SGIP1: variants seen among roughly 807,000 people sequenced by gnomAD.
SGIP1 encodes SH3GL interacting endocytic adaptor 1, also known as SH3-containing GRB2-like protein 3-interacting protein 1.
SGIP1 carries 38 observed loss-of-function variants against 107.5 expected under a neutral mutation model. The ratio of observed to expected loss-of-function variants is 0.35; its 90% CI spans 0.27 to 0.46. SGIP1 has a LOEUF of 0.46. Among genes scored for constraint, SGIP1 ranks in the 20% least tolerant of loss-of-function variants. The pLI is 1.00. For missense variants in SGIP1, 929 were observed against 1,019.5 expected (o/e 0.91, Z 1.21); for synonymous variants, 365 against 366.1 (o/e 1.00, Z 0.03).
At chr1:66,608,857 G>A (rs1179984193) in intron 1 of SGIP1, among the ~76,000 whole-genome samples, 1 of 152,114 alleles carries the variant, frequency 6.6e-6, no homozygotes, top group Admixed American at 6.5e-5. Flanking sequence ...CATTTACTTT[G>A]CTGTATTTTT....
chr1:66,670,250 C>A (rs987929040), intron 9 of SGIP1, among the ~76,000 whole-genome samples: 1 of 152,174 alleles, frequency 6.6e-6, no homozygotes, highest in Non-Finnish European at 1.5e-5. Flanking sequence ...CTAATCAATC[C>A]TTTTACTATC....
At chr1:66,643,828 G>T in intron 7 of SGIP1, 109 bp downstream of exon 7, 1 of 938,572 alleles carries the variant, frequency 1.1e-6, no homozygotes, top group Non-Finnish European at 1.5e-6. Flanking sequence ...GCCTGCATAT[G>T]GTCACCATAT....
intron 1 of SGIP1, among the ~76,000 whole-genome samples, chr1:66,612,148 G>A (rs1258991937): frequency 6.6e-6 from 1 of 152,126 alleles, no homozygotes; most frequent in Non-Finnish European, 1.5e-5. Context: ...TGTGTGCAGA[G>A]GTCACATGGT....
At chr1:66,621,244 G>A (rs2071017464) in intron 1 of SGIP1, among the ~76,000 whole-genome samples, 1 of 152,176 alleles carries the variant, frequency 6.6e-6, no homozygotes, top group Non-Finnish European at 1.5e-5. Context: ...AGGAATTTGT[G>A]ACCGTATTGA....
intron 6 of SGIP1, among the ~76,000 whole-genome samples, chr1:66,643,232 GC>G (rs2077095636): frequency 6.6e-6 from 1 of 152,152 alleles, no homozygotes; most frequent in South Asian, 2.1e-4. Context: ...TCATAAAGCA[GC>G]CTTCCTCTCT....
At chr1:66,701,307 G>A (rs1322224834) in intron 18 of SGIP1, among the ~76,000 whole-genome samples, 1 of 152,134 alleles carries the variant, frequency 6.6e-6, no homozygotes, top group African/African-American at 2.4e-5. Flanking sequence ...TTTGCTAATA[G>A]CACTTACCCC....
At chr1:66,644,728 C>T (rs755277655) in intron 7 of SGIP1, among the ~76,000 whole-genome samples, 132 of 152,190 alleles carry the variant, frequency 8.7e-4, no homozygotes, top group African/African-American at 2.4e-3. Flanking sequence ...TCTATAATGA[C>T]GCTTTCTTTA....
intron 18 of SGIP1, among the ~76,000 whole-genome samples, chr1:66,715,288 T>C (rs1294026424): frequency 6.6e-6 from 1 of 152,128 alleles, no homozygotes; most frequent in African/African-American, 2.4e-5. Context: ...CAAAATGGCA[T>C]ATCAATTGCA....
At chr1:66,641,549 C>T (rs2149481410) in intron 5 of SGIP1, among the ~76,000 whole-genome samples, 1 of 152,218 alleles carries the variant, frequency 6.6e-6, no homozygotes, top group Middle Eastern at 3.4e-3. Context: ...GGGATCAAAA[C>T]CTAGATCTGA....
intron 1 of SGIP1, among the ~76,000 whole-genome samples, chr1:66,535,502 T>C (rs2053397772): frequency 6.6e-6 from 1 of 152,204 alleles, no homozygotes; most frequent in South Asian, 2.1e-4. Flanking sequence ...CAGTGTAGCC[T>C]GTACTTATTT....
rs1035733532 is a variant in SGIP1 at position 66,706,270 on chromosome 1, T to C, written c.1630+10777T>C. On this transcript the variant is annotated intron_variant, in intron 18 of 24. Transcript: ENST00000371037. ...TTATTACCTTTATCTCACATTTTCA[T>C]CAAATATTTTTAATTTTGAATATAT... Among the ~76,000 whole-genome samples the C allele has an allele frequency of 4.0e-5, 6 of 148,248 alleles. No individual in the cohort carries two copies. The East Asian group carries it at 1.2e-3, about 29-fold the overall frequency.
At chr1:66,545,344 T>C (rs2056133073) in intron 1 of SGIP1, among the ~76,000 whole-genome samples, 1 of 152,202 alleles carries the variant, frequency 6.6e-6, no homozygotes, top group Non-Finnish European at 1.5e-5. Flanking sequence ...AACAGTCTGT[T>C]CTGACTTTTC....
chr1:66,690,360 T>C, intron 17 of SGIP1, 44 bp downstream of exon 17: 1 of 1,609,752 alleles, frequency 6.2e-7, no homozygotes, highest in Non-Finnish European at 8.5e-7. Context: ...TGGTTTTGAC[T>C]GGCTATTTTT....
intron 1 of SGIP1, among the ~76,000 whole-genome samples, chr1:66,588,761 TG>T (rs1167676443): frequency 6.6e-6 from 1 of 151,928 alleles, no homozygotes; most frequent in Non-Finnish European, 1.5e-5. Flanking sequence ...ACTACCCTTT[TG>T]GTTTCACATT....
At chr1:66,583,145 C>G (rs1334394280) in intron 1 of SGIP1, among the ~76,000 whole-genome samples, 1 of 151,944 alleles carries the variant, frequency 6.6e-6, no homozygotes, top group African/African-American at 2.4e-5. Flanking sequence ...TATGTCTATG[C>G]TATATAAATA....
Position 66,729,404 on chromosome 1 carries a change from C to G in SGIP1, c.1883C>G (p.Pro628Arg). Reference protein sequence around the residue: ...FSRLEHVLPNPQLLCCDNTQN... With the variant: ...FSRLEHVLPNRQLLCCDNTQN... Reference sequence around the variant, plus strand: ...AGGTTAGAACACGTCCTGCCAAACCCCCAACTTCTCTGCTGGTAAATATGA... The same window carrying G: ...AGGTTAGAACACGTCCTGCCAAACCGCCAACTTCTCTGCTGGTAAATATGA... Residue 628 changes from proline (P) to arginine (R), a missense_variant, in exon 20 of 25, where the codon CCC (proline) becomes CGC (arginine). Pro to Arg is a moderately radical substitution (Grantham distance 103). Around this residue, in one of 2 missense-constraint regions of SGIP1, gnomAD observed 341 missense variants for 430.9 expected, o/e 0.79. Transcript: ENST00000371037. The G allele has an allele frequency of 6.2e-7, 1 of 1,614,092 alleles. No individual in the cohort carries two copies. Among genetic ancestry groups the G allele is most frequent in the Non-Finnish European group, 8.5e-7 (1 of 1,179,984 alleles).
intron 1 of SGIP1, among the ~76,000 whole-genome samples, chr1:66,601,958 T>A (rs570147605): frequency 4.3e-4 from 65 of 152,362 alleles, no homozygotes; most frequent in Middle Eastern, 3.4e-3. Context: ...AATTAGTACA[T>A]AGATCCCTTT....
chr1:66,682,407 A>T (rs886887593), intron 15 of SGIP1, 38 bp downstream of exon 15: 3 of 1,572,392 alleles, frequency 1.9e-6, no homozygotes, highest in Admixed American at 3.9e-5. Flanking sequence ...TGTGACGGGG[A>T]ATGGCCATGG....
chr1:66,556,731 G>A (rs10493410), intron 1 of SGIP1, among the ~76,000 whole-genome samples: 1 of 151,366 alleles, frequency 6.6e-6, no homozygotes, highest in Non-Finnish European at 1.5e-5. Context: ...GTGGAGATCA[G>A]AAAGTATTCT....
Sources: allele counts gnomAD v4.1 joint callset (sites outside exome capture counted in the v4.1 genomes callset), GRCh38; gene constraint gnomAD v4.1.1; regional missense constraint gnomAD v4.1.1; transcripts MANE v1.5; gene names NCBI Gene and HGNC (gene_info 2026-07-23, HGNC 2026-07-21).